Variants in POLB observed in about 807,000 individuals in gnomAD.
POLB encodes DNA polymerase beta.
POLB carries 37 observed loss-of-function variants against 52.7 expected under a neutral mutation model. The observed-to-expected ratio is 0.70, with a 90% CI of 0.54 to 0.92. The LOEUF is 0.92. Ranked by LOEUF, POLB falls within the 40% of genes least tolerant of loss-of-function variation. The pLI is 0.00. For synonymous variants in POLB, 138 were observed against 131.3 expected (o/e 1.05, Z -0.35); for missense variants, 313 against 400.8 (o/e 0.78, Z 1.87).
chr8:42,342,821 C>A (rs1822294030), intron 2 of POLB, among the ~76,000 whole-genome samples: 1 of 151,896 alleles, frequency 6.6e-6, no homozygotes, highest in Non-Finnish European at 1.5e-5. Flanking sequence ...ATAGCAACAT[C>A]CCATCTGCAT....
intron 6 of POLB, among the ~76,000 whole-genome samples, chr8:42,352,930 C>G (rs779355801): frequency 1.3e-4 from 19 of 151,612 alleles, no homozygotes; most frequent in Non-Finnish European, 2.8e-4. Context: ...CAAAATTAGC[C>G]GGGTGTGGTG....
chr8:42,338,704 C>T lies in POLB; in HGVS notation c.61+19C>T, dbSNP rs775090925. On this transcript the variant is annotated intron_variant, in intron 1 of 13. Coordinates refer to ENST00000265421, the MANE Select transcript of POLB (RefSeq NM_002690.3). ...CTCACAGGTTAGCACCGGGCCGGGCCCCGCTGGCTTTCTTCTTTCCTTCCA... is the reference window on the plus strand; with the variant it reads ...CTCACAGGTTAGCACCGGGCCGGGCTCCGCTGGCTTTCTTCTTTCCTTCCA... The T allele has an allele frequency of 8.1e-6, 13 of 1,611,814 alleles. No individual in the cohort carries two copies. In the South Asian group the frequency reaches 1.4e-4, roughly 18 times the overall value.
At chr8:42,364,376 G>A (rs965724388) in intron 11 of POLB, among the ~76,000 whole-genome samples, 4 of 151,988 alleles carry the variant, frequency 2.6e-5, no homozygotes, top group Non-Finnish European at 4.4e-5. Context: ...CTGCAGGTGC[G>A]CACCACCATA....
In POLB at chr8:42,353,945, A is replaced by T. The variant is rs1264644987; in HGVS notation, c.370+1377A>T. On this transcript the variant is annotated intron_variant, in intron 6 of 13. Transcript: ENST00000265421. ...CATGATTAGTAGTATTACTAAGTTA[A>T]GAATTTGTGTGAGCCACATTGCTAG... Among the ~76,000 whole-genome samples the T allele has an allele frequency of 6.7e-5, 10 of 148,912 alleles. No homozygotes were observed. In the East Asian group the frequency reaches 1.7e-3, roughly 26 times the overall value.
At chr8:42,352,465 T>C in intron 5 of POLB, 54 bp from the exon 6 acceptor site, 1 of 1,124,164 alleles carries the variant, frequency 8.9e-7, no homozygotes, top group Non-Finnish European at 1.4e-6. Flanking sequence ...GACATGGTTG[T>C]TACAAGGATC....
At chr8:42,359,303 A>T (rs142534231) in intron 9 of POLB, among the ~76,000 whole-genome samples, 20 of 152,030 alleles carry the variant, frequency 1.3e-4, no homozygotes, top group African/African-American at 4.6e-4. Flanking sequence ...TGCTTTTTTC[A>T]CTTACAAATA....
chr8:42,367,688 C>T (rs1012679306), intron 11 of POLB, among the ~76,000 whole-genome samples: 15 of 152,082 alleles, frequency 9.9e-5, no homozygotes, highest in African/African-American at 3.4e-4. Context: ...TTCCTTTAAG[C>T]TAATAGTAAT....
At chr8:42,338,710 G>T in intron 1 of POLB, 25 bp downstream of exon 1, 1 of 1,609,488 alleles carries the variant, frequency 6.2e-7, no homozygotes, top group East Asian at 2.2e-5. Flanking sequence ...GGGCCCCGCT[G>T]GCTTTCTTCT....
intron 11 of POLB, among the ~76,000 whole-genome samples, chr8:42,362,914 C>T (rs1456792902): frequency 2.6e-5 from 4 of 151,772 alleles, no homozygotes; most frequent in African/African-American, 4.8e-5. Flanking sequence ...CGCCTGAGGT[C>T]GGGAGCTCAA....
chr8:42,338,660 C>G lies in POLB; in HGVS notation c.36C>G (p.Asn12Lys). Residue 12 changes from asparagine to lysine, a missense_variant, in exon 1 of 14, where the codon AAC becomes AAG. Physicochemically the swap from Asn to Lys is moderately conservative, Grantham distance 94 (BLOSUM62 0). Coordinates refer to ENST00000265421, the MANE Select transcript of POLB (RefSeq NM_002690.3). ...GGAAGGCGCCGCAGGAGACTCTCAACGGGGGAATCACCGACATGCTCACAG... is the reference window on the plus strand; with the variant it reads ...GGAAGGCGCCGCAGGAGACTCTCAAGGGGGGAATCACCGACATGCTCACAG... The part of the protein sequence containing the change: ...SKRKAPQETL[N>K]GGITDMLTEL... The G allele has an allele frequency of 6.2e-7, 1 of 1,614,158 alleles. No individual in the cohort carries two copies. The highest frequency in any genetic ancestry group is 8.5e-7 in the Non-Finnish European group (1 of 1,179,966).
intron 4 of POLB, 89 bp downstream of exon 4, chr8:42,349,179 C>A: frequency 1.4e-6 from 1 of 705,282 alleles, no homozygotes; most frequent in Non-Finnish European, 2.5e-6. Flanking sequence ...CAATGTCATT[C>A]ACTGTAGTGA....
intron 5 of POLB, among the ~76,000 whole-genome samples, chr8:42,351,203 G>A (rs1029668613): frequency 1.3e-5 from 2 of 151,982 alleles, no homozygotes; most frequent in Admixed American, 6.6e-5. Context: ...TTTTTTCTAG[G>A]CAAGAGAACT....
Position 42,344,985 on chromosome 8 carries a change from A to G in POLB, c.152A>G (p.His51Arg). The G allele has an allele frequency of 1.2e-6, 2 of 1,609,736 alleles. No homozygotes were observed. The highest frequency in any genetic ancestry group is 8.5e-7 in the Non-Finnish European group (1 of 1,176,040). ...KAASVIAKYP[H>R]KIKSGAEAKK... ...GCATCTGTTATAGCAAAATACCCAC[A>G]CAAAATAAAGAGTGGAGCTGAAGCT... Residue 51 changes from histidine to arginine, a missense_variant, in exon 3 of 14, where the codon CAC (histidine) becomes CGC (arginine). By Grantham distance (29) the His-to-Arg change is conservative. Coordinates refer to ENST00000265421, the MANE Select transcript of POLB (RefSeq NM_002690.3).
intron 11 of POLB, among the ~76,000 whole-genome samples, chr8:42,363,893 C>T (rs1185922619): frequency 6.7e-6 from 1 of 148,836 alleles, no homozygotes; most frequent in Non-Finnish European, 1.5e-5. Flanking sequence ...TAAACACCAA[C>T]AGGAAGGCAG....
intron 2 of POLB, chr8:42,339,713 C>G: frequency 6.6e-6 from 1 of 151,876 alleles, no homozygotes; most frequent in East Asian, 1.9e-4. Flanking sequence ...CCACACCCAG[C>G]TAATTTTTTT....
intron 11 of POLB, among the ~76,000 whole-genome samples, chr8:42,365,446 A>G (rs997508063): frequency 6.6e-6 from 1 of 152,306 alleles, no homozygotes; most frequent in Admixed American, 6.5e-5. Flanking sequence ...ATTTTAATTC[A>G]CTCAAAATGA....
intron 2 of POLB, chr8:42,339,638 C>G (rs1390402578): frequency 6.6e-6 from 1 of 152,254 alleles, no homozygotes; most frequent in East Asian, 1.9e-4. Context: ...CTTCAACCTT[C>G]CAGCCTCAAG....
At chr8:42,349,419 T>C in intron 4 of POLB, 2 of 174,266 alleles carry the variant, frequency 1.1e-5, no homozygotes, top group Non-Finnish European at 2.4e-5. Flanking sequence ...GATGGAGTCT[T>C]GCTCTGTCGC....
chr8:42,359,890 A>G (rs545371106), intron 9 of POLB, among the ~76,000 whole-genome samples: 4 of 151,918 alleles, frequency 2.6e-5, no homozygotes, highest in African/African-American at 9.6e-5. Context: ...AAGGCAATAG[A>G]ATTTTCTTGA....
Sources: gnomAD v4.1 joint callset for allele counts (sites outside exome capture counted in the v4.1 genomes callset) on GRCh38, gnomAD v4.1.1 for gene constraint, MANE v1.5 for transcripts, NCBI Gene and HGNC (gene_info 2026-07-23, HGNC 2026-07-21) for gene names.